OSBPL1A: variants seen among roughly 807,000 people sequenced by gnomAD.
OSBPL1A encodes the protein oxysterol binding protein like 1A, also known as oxysterol-binding protein-related protein 1.
Under a neutral mutation model 137.1 loss-of-function variants are expected in OSBPL1A, and 80 were observed. The ratio of observed to expected loss-of-function variants is 0.58; its 90% confidence interval spans 0.49 to 0.70. The LOEUF (loss-of-function observed/expected upper bound fraction) is 0.70, where lower values mean the gene tolerates loss of function less well. Among genes scored for constraint, OSBPL1A ranks in the 30% least tolerant of loss-of-function variants. The pLI is 0.00. For missense variants in OSBPL1A, 970 were observed against 1,129.4 expected, an observed-to-expected ratio of 0.86 and a Z score of 2.02; for synonymous variants, 365 against 389.7, an observed-to-expected ratio of 0.94 and a Z score of 0.75.
chr18:24,333,174 C>T (rs2091115104), intron 6 of OSBPL1A, 88 bp from the exon 7 acceptor site: 7 of 1,416,940 alleles, frequency 4.9e-6, no homozygotes, highest in Admixed American at 3.9e-5. Flanking sequence ...CAGCAGAGCC[C>T]GAAGAATAGC....
chr18:24,232,482 C>G (rs992078299), intron 16 of OSBPL1A, among the ~76,000 whole-genome samples: 4 of 152,172 alleles, frequency 2.6e-5, no homozygotes, highest in African/African-American at 9.7e-5. Context: ...AAATCTACTA[C>G]TGTTTTCTAC....
intron 2 of OSBPL1A, among the ~76,000 whole-genome samples, chr18:24,372,430 T>C (rs1905726796): frequency 6.6e-6 from 1 of 152,144 alleles, no homozygotes; most frequent in Admixed American, 6.5e-5. Flanking sequence ...GGTTCCTCAA[T>C]GCTCAGAAAG....
At chr18:24,312,147 T>C (rs757257767) in intron 12 of OSBPL1A, 41 bp from the exon 13 acceptor site, 37 of 1,607,826 alleles carry the variant, frequency 2.3e-5, no homozygotes, top group Middle Eastern at 1.7e-4. Context: ...GAAAAGCATT[T>C]TTATTCCAAA....
At chr18:24,236,705 C>T (rs1259935871) in intron 16 of OSBPL1A, among the ~76,000 whole-genome samples, 2 of 152,092 alleles carry the variant, frequency 1.3e-5, no homozygotes, top group East Asian at 3.9e-4. Context: ...GCTGATGAGC[C>T]TAGGCGTTTG....
chr18:24,272,831 C>G (rs2089754399), intron 15 of OSBPL1A, among the ~76,000 whole-genome samples: 1 of 152,152 alleles, frequency 6.6e-6, no homozygotes, highest in African/African-American at 2.4e-5. Flanking sequence ...CCAGGCCATG[C>G]TGGGAAAATT....
intron 15 of OSBPL1A, among the ~76,000 whole-genome samples, chr18:24,270,873 T>C (rs1367961319): frequency 2.0e-5 from 3 of 152,158 alleles, no homozygotes; most frequent in Non-Finnish European, 2.9e-5. Flanking sequence ...TAAGAAACTT[T>C]TAATAGCCTT....
chr18:24,233,083 A>G (rs2088332426), intron 16 of OSBPL1A, among the ~76,000 whole-genome samples: 1 of 152,242 alleles, frequency 6.6e-6, no homozygotes, highest in Non-Finnish European at 1.5e-5. Context: ...TAAGAAAAGT[A>G]ATGCGTTCTG....
At chr18:24,267,341 A>G (rs2089604681) in intron 15 of OSBPL1A, among the ~76,000 whole-genome samples, 1 of 152,086 alleles carries the variant, frequency 6.6e-6, no homozygotes, top group Admixed American at 6.5e-5. Context: ...AGGTGGTTTT[A>G]TAAGAAAGTT....
At chr18:24,379,461 A>C (rs948812518) in intron 1 of OSBPL1A, among the ~76,000 whole-genome samples, 2 of 151,844 alleles carry the variant, frequency 1.3e-5, no homozygotes, top group South Asian at 4.2e-4. Context: ...TGGAGGTTGC[A>C]GTAAGCTGAG....
intron 1 of OSBPL1A, among the ~76,000 whole-genome samples, chr18:24,378,702 T>A (rs963054599): frequency 6.6e-6 from 1 of 152,204 alleles, no homozygotes; most frequent in African/African-American, 2.4e-5. Flanking sequence ...TTTGAAGGCA[T>A]GGTTTCAAAA....
At chr18:24,264,742 T>C (rs2089530079) in intron 15 of OSBPL1A, among the ~76,000 whole-genome samples, 1 of 152,232 alleles carries the variant, frequency 6.6e-6, no homozygotes, top group Admixed American at 6.5e-5. Context: ...CTTATATAGA[T>C]GGCCACATCC....
chr18:24,241,953 A>G (rs1371714347), intron 15 of OSBPL1A, among the ~76,000 whole-genome samples: 2 of 152,228 alleles, frequency 1.3e-5, no homozygotes, highest in African/African-American at 4.8e-5. Context: ...GCCATAAAAA[A>G]GAATGAGTTC....
At chr18:24,269,884 A>ACACACACACACC (rs1243365419) in intron 15 of OSBPL1A, among the ~76,000 whole-genome samples, 6 of 151,198 alleles carry the variant, frequency 4.0e-5, no homozygotes, top group Non-Finnish European at 8.8e-5. Flanking sequence ...ACACACACAC[A>ACACACACACACC]CCATGCTAAT....
At chr18:24,179,447 A>C (rs1052440488) in intron 20 of OSBPL1A, among the ~76,000 whole-genome samples, 2 of 151,842 alleles carry the variant, frequency 1.3e-5, no homozygotes, top group African/African-American at 4.8e-5. Flanking sequence ...AAAAAAAAAA[A>C]CAAAACAAAA....
Position 24,216,494 on chromosome 18 carries a change from G to A in OSBPL1A, c.1601+8548C>T, listed in dbSNP as rs543362177. Among the ~76,000 whole-genome samples, 7 of 152,300 alleles carry A rather than the reference G, an allele frequency of 4.6e-5. No homozygotes were observed. The South Asian group carries it at 1.0e-3, about 23-fold the overall frequency. On this transcript the variant is annotated intron_variant, in intron 17 of 27. Coordinates refer to ENST00000319481, the MANE Select transcript of OSBPL1A (RefSeq NM_080597.4). ...TGCACTCCAGCCTTGGCGACAGAGCGAGACTGTGTCTCCAGAAGAAAAAAG... is the reference window on the plus strand; with the variant it reads ...TGCACTCCAGCCTTGGCGACAGAGCAAGACTGTGTCTCCAGAAGAAAAAAG...
At position 24,163,074 on chromosome 18, in the gene OSBPL1A, CA is replaced by C. The variant is rs2086057109; in HGVS notation, c.*104del. 3 of 750,448 alleles carry C rather than the reference CA, an allele frequency of 4.0e-6. No individual in the cohort carries two copies. The highest frequency in any genetic ancestry group is 7.4e-4 in the Middle Eastern group (2 of 2,714). The allele number at this position is 750,448 out of a possible 1,614,324, so 46.5% of individuals were successfully genotyped here. A position where few individuals can be genotyped will look rare whatever the true frequency, so the allele number is the denominator to read the frequency against. ...TGCAGTTATCTCATGAGTGTTTTTT[CA>C]TTTTTTTTTTTAAAAGATAAGTAGA... On this transcript the variant is annotated 3_prime_UTR_variant, in exon 28 of 28. Coordinates refer to ENST00000319481, the MANE Select transcript of OSBPL1A (RefSeq NM_080597.4).
chr18:24,365,017 A>C (rs1176883824), intron 4 of OSBPL1A: 2 of 142,844 alleles, frequency 1.4e-5, no homozygotes, highest in Non-Finnish European at 3.1e-5. Context: ...TGTCTCAAAA[A>C]ACAACAACAA....
intron 15 of OSBPL1A, among the ~76,000 whole-genome samples, chr18:24,272,554 A>G (rs2146060440): frequency 6.6e-6 from 1 of 152,080 alleles, no homozygotes; most frequent in Middle Eastern, 3.4e-3. Flanking sequence ...CCACCCAAAT[A>G]CCACACTTAA....
intron 16 of OSBPL1A, among the ~76,000 whole-genome samples, chr18:24,232,758 C>T (rs1325356875): frequency 6.6e-6 from 1 of 152,180 alleles, no homozygotes; most frequent in Non-Finnish European, 1.5e-5. Context: ...AATAAGTCAA[C>T]ATTTACTAAG....
Sources: allele counts gnomAD v4.1 joint callset (sites outside exome capture counted in the v4.1 genomes callset), GRCh38; gene constraint gnomAD v4.1.1; transcripts MANE v1.5; gene names NCBI Gene and HGNC (gene_info 2026-07-23, HGNC 2026-07-21).